Variants in GALNT17 observed in about 807,000 individuals in gnomAD.
GALNT17 encodes polypeptide N-acetylgalactosaminyltransferase 17, also known as UDP-GalNAc:polypeptide N-acetylgalactosaminyltransferase-like 3.
In GALNT17, 29 loss-of-function variants were observed where a neutral mutation model predicts 63.7. The observed-to-expected ratio is 0.46, with a 90% CI of 0.34 to 0.62. The LOEUF is 0.62. Ranked by LOEUF, GALNT17 falls within the 20% of genes least tolerant of loss-of-function variation. GALNT17 has a pLI of 0.01. For synonymous variants in GALNT17, 305 were observed against 318.3 expected (o/e 0.96, Z 0.45); for missense variants, 603 against 799.6 (o/e 0.75, Z 2.97).
rs187131884 is a variant in GALNT17, at chr7:71,188,292, A to T, written c.238+55252A>T. Among the ~76,000 whole-genome samples the T allele has an allele frequency of 5.1e-4, 78 of 152,296 alleles. No individual in the cohort carries two copies. In the Middle Eastern group the frequency reaches 0.01, roughly 20 times the overall value. On this transcript the variant is annotated intron_variant, in intron 1 of 10. Transcript: ENST00000333538. Reference sequence around the variant, plus strand: ...TGGCAGTTCTACTTTTAGTTCTTTAAGGAATCTCCACACCGTTTTCCATGG... The same window carrying T: ...TGGCAGTTCTACTTTTAGTTCTTTATGGAATCTCCACACCGTTTTCCATGG...
chr7:71,387,441 C>T (rs1426379871), intron 2 of GALNT17, among the ~76,000 whole-genome samples: 6 of 151,678 alleles, frequency 4.0e-5, no homozygotes, highest in African/African-American at 1.5e-4. Context: ...TCCTCCCACC[C>T]CAGCCTCCCA....
intron 3 of GALNT17, among the ~76,000 whole-genome samples, chr7:71,397,370 C>T (rs547606015): frequency 9.9e-5 from 15 of 152,184 alleles, no homozygotes; most frequent in South Asian, 2.1e-4. Flanking sequence ...TTTACTGCTT[C>T]TGATCTTATC....
chr7:71,403,861 A>C (rs1583922752), intron 3 of GALNT17, among the ~76,000 whole-genome samples: 1 of 152,114 alleles, frequency 6.6e-6, no homozygotes, highest in East Asian at 1.9e-4. Context: ...AATGACTGTG[A>C]CTTTGGCTAT....
intron 1 of GALNT17, among the ~76,000 whole-genome samples, chr7:71,262,931 T>G (rs969183211): frequency 1.3e-5 from 2 of 152,040 alleles, no homozygotes; most frequent in Admixed American, 6.6e-5. Flanking sequence ...TCCACCCACC[T>G]CAGCCTCCCA....
chr7:71,634,664 G>T (rs1790503032), intron 6 of GALNT17, among the ~76,000 whole-genome samples: 1 of 150,338 alleles, frequency 6.7e-6, no homozygotes, highest in East Asian at 2.0e-4. Context: ...TGAGCCAGGA[G>T]AATTGCTTGA....
At chr7:71,398,225 C>G (rs1328060942) in intron 3 of GALNT17, among the ~76,000 whole-genome samples, 3 of 151,988 alleles carry the variant, frequency 2.0e-5, no homozygotes, top group Admixed American at 6.6e-5. Flanking sequence ...TTTCTGTTCT[C>G]TCTTTCAGCA....
intron 6 of GALNT17, among the ~76,000 whole-genome samples, chr7:71,637,509 A>G (rs1403833298): frequency 1.4e-5 from 2 of 145,186 alleles, no homozygotes; most frequent in African/African-American, 5.2e-5. Context: ...TTTTTTAGCC[A>G]TCAAGTAGCC....
chr7:71,179,441 G>C (rs1788697845), intron 1 of GALNT17, among the ~76,000 whole-genome samples: 1 of 152,210 alleles, frequency 6.6e-6, no homozygotes. Context: ...CTGAGGCTGT[G>C]TCACAGGCAT....
chr7:71,446,009 T>C (rs1387814395), intron 5 of GALNT17, among the ~76,000 whole-genome samples: 1 of 152,212 alleles, frequency 6.6e-6, no homozygotes, highest in Non-Finnish European at 1.5e-5. Flanking sequence ...AACGGGAATA[T>C]TTTCTTGAAG....
chr7:71,677,291 T>C lies in GALNT17; in HGVS notation c.1485T>C (p.His495=), dbSNP rs772502367. Residue 495 remains histidine, a synonymous_variant, in exon 9 of 11, where the codon CAT becomes CAC. Transcript: ENST00000333538. The part of the protein sequence containing the change: ...ENHTAILYPC[H]GWGPQLARYT... ...ACACAGCAATATTGTATCCGTGCCATGGCTGGGGACCACAGGTAGGAGCTC... is the reference window on the plus strand; with the variant it reads ...ACACAGCAATATTGTATCCGTGCCACGGCTGGGGACCACAGGTAGGAGCTC... The C allele has an allele frequency of 1.2e-6, 2 of 1,613,854 alleles. No individual in the cohort carries two copies. The highest frequency in any genetic ancestry group is 1.7e-6 in the Non-Finnish European group (2 of 1,179,882).
chr7:71,233,628 C>T (rs1041970976), intron 1 of GALNT17, among the ~76,000 whole-genome samples: 4 of 152,116 alleles, frequency 2.6e-5, no homozygotes, highest in African/African-American at 9.7e-5. Context: ...CCGGATGAAT[C>T]CAGCCTGTGA....
At chr7:71,217,765 A>G (rs1406149925) in intron 1 of GALNT17, among the ~76,000 whole-genome samples, 2 of 151,924 alleles carry the variant, frequency 1.3e-5, no homozygotes, top group Admixed American at 6.6e-5. Context: ...CTCCACTAAA[A>G]TGTACAAAAA....
intron 5 of GALNT17, among the ~76,000 whole-genome samples, chr7:71,526,598 C>T (rs775709591): frequency 3.3e-5 from 5 of 152,150 alleles, no homozygotes; most frequent in Non-Finnish European, 7.3e-5. Context: ...TGGCACACTG[C>T]AACCTTTGCC....
intron 1 of GALNT17, among the ~76,000 whole-genome samples, chr7:71,308,919 T>C (rs903421951): frequency 3.9e-5 from 6 of 152,002 alleles, no homozygotes; most frequent in East Asian, 1.9e-4. Flanking sequence ...AATTTTTGTA[T>C]GTTTAGTAGA....
At position 71,487,904 on chromosome 7, in the gene GALNT17, A is replaced by G. The variant is rs530316264; in HGVS notation, c.962+66799A>G. 2.3e-3 allele frequency among the ~76,000 whole-genome samples: 347 copies of G among 152,204 alleles called. 1 individual carries two copies. Among genetic ancestry groups the G allele is most frequent in the African/African-American group, 8.1e-3 (336 of 41,524 alleles). On this transcript the variant is annotated intron_variant, in intron 5 of 10. Coordinates refer to ENST00000333538, the MANE Select transcript of GALNT17 (RefSeq NM_022479.3). ...GTTTTGGAGCCGGGCATGGTAGCTC[A>G]CACCTATAATTCCAGTGATTCAGGA...
intron 1 of GALNT17, among the ~76,000 whole-genome samples, chr7:71,151,488 G>A (rs1788131440): frequency 6.6e-6 from 1 of 152,014 alleles, no homozygotes; most frequent in Non-Finnish European, 1.5e-5. Flanking sequence ...AGGCGTGGTG[G>A]CAGGTGCCTG....
intron 5 of GALNT17, among the ~76,000 whole-genome samples, chr7:71,463,774 G>A (rs1261037835): frequency 6.6e-6 from 1 of 152,194 alleles, no homozygotes; most frequent in Non-Finnish European, 1.5e-5. Flanking sequence ...GAGCTGGTAG[G>A]AGTGTCTCTT....
chr7:71,641,462 G>A (rs1790602044), intron 6 of GALNT17, among the ~76,000 whole-genome samples: 1 of 152,150 alleles, frequency 6.6e-6, no homozygotes, highest in Admixed American at 6.5e-5. Context: ...CACAGTTCTA[G>A]AGATTGGGAA....
chr7:71,636,905 C>T (rs1227064000), intron 6 of GALNT17, among the ~76,000 whole-genome samples: 12 of 151,978 alleles, frequency 7.9e-5, no homozygotes, highest in Non-Finnish European at 1.2e-4. Context: ...AAGCTGGGGA[C>T]GAAAAGAAGA....
Sources: allele counts gnomAD v4.1 joint callset (sites outside exome capture counted in the v4.1 genomes callset), GRCh38; gene constraint gnomAD v4.1.1; transcripts MANE v1.5; gene names NCBI Gene and HGNC (gene_info 2026-07-23, HGNC 2026-07-21).